The following SHC4 variants were observed in gnomAD, a reference collection of about 807,000 sequenced individuals.
The protein encoded by SHC4 is SHC-transforming protein 4.
Under a neutral mutation model 69.4 loss-of-function variants are expected in SHC4, and 41 were observed. That is an observed-to-expected ratio of 0.59 (90% CI 0.46 to 0.77). The LOEUF (loss-of-function observed/expected upper bound fraction) is 0.77, where lower values mean the gene tolerates loss of function less well. SHC4 is among the 30% of genes least tolerant of loss of function. The pLI, the probability that SHC4 is intolerant of heterozygous loss-of-function variation, is 0.00. For synonymous variants in SHC4, 318 were observed against 299.3 expected (o/e 1.06, Z -0.64); for missense variants, 777 against 783.8 (o/e 0.99, Z 0.10).
At chr15:48,951,952 C>T (rs1397532743) in intron 1 of SHC4, among the ~76,000 whole-genome samples, 1 of 152,162 alleles carries the variant, frequency 6.6e-6, no homozygotes, top group East Asian at 1.9e-4. Flanking sequence ...AGTGGAAAGA[C>T]CACTGGCCTG....
intron 2 of SHC4, among the ~76,000 whole-genome samples, chr15:48,891,673 T>C (rs1035077776): frequency 6.6e-6 from 1 of 152,232 alleles, no homozygotes; most frequent in Non-Finnish European, 1.5e-5. Context: ...CCAGAGATCA[T>C]TGTTTAAATT....
intron 2 of SHC4, among the ~76,000 whole-genome samples, chr15:48,892,426 G>A (rs1220055299): frequency 1.3e-5 from 2 of 152,026 alleles, no homozygotes; most frequent in African/African-American, 4.8e-5. Context: ...CATATTTATT[G>A]TTTCTCTAGG....
At chr15:48,962,391 C>T (rs765215423) in intron 1 of SHC4, 40 bp downstream of exon 1, 1 of 1,507,030 alleles carries the variant, frequency 6.6e-7, no homozygotes, top group South Asian at 1.4e-5. Flanking sequence ...TGCCCCCTTC[C>T]ACGGAAGTTC....
At chr15:48,923,666 G>T (rs1413246214) in intron 2 of SHC4, among the ~76,000 whole-genome samples, 1 of 132,006 alleles carries the variant, frequency 7.6e-6, no homozygotes, top group Non-Finnish European at 1.6e-5. Flanking sequence ...TTATGAGTCA[G>T]GGTCTTGCTG....
chr15:48,852,888 T>G (rs1277063890), intron 8 of SHC4, among the ~76,000 whole-genome samples: 3 of 148,474 alleles, frequency 2.0e-5, no homozygotes, highest in Non-Finnish European at 4.5e-5. Context: ...GGTGACAGAG[T>G]GAGACTCTGT....
chr15:48,833,751 C>T (rs1898851366), intron 11 of SHC4, among the ~76,000 whole-genome samples: 1 of 152,154 alleles, frequency 6.6e-6, no homozygotes, highest in Non-Finnish European at 1.5e-5. Context: ...CCCCATTCCC[C>T]CAAGGGAGAG....
intron 4 of SHC4, chr15:48,876,689 G>A: frequency 1.7e-6 from 1 of 591,212 alleles, no homozygotes; most frequent in East Asian, 3.0e-5. Flanking sequence ...AGGCTGGGAG[G>A]CTAGGCCAGT....
At chr15:48,909,128 T>C (rs1436910188) in intron 2 of SHC4, among the ~76,000 whole-genome samples, 1 of 152,206 alleles carries the variant, frequency 6.6e-6, no homozygotes, top group African/African-American at 2.4e-5. Flanking sequence ...AATTTGTAGA[T>C]TGCTTTTGGC....
intron 1 of SHC4, among the ~76,000 whole-genome samples, chr15:48,940,542 C>T (rs1046761962): frequency 7.2e-5 from 11 of 152,164 alleles, no homozygotes; most frequent in Non-Finnish European, 1.5e-4. Context: ...TCTTCTACTC[C>T]ATTTTCCGTT....
chr15:48,838,692 G>A (rs1898940156), intron 10 of SHC4, among the ~76,000 whole-genome samples: 1 of 151,892 alleles, frequency 6.6e-6, no homozygotes, highest in African/African-American at 2.4e-5. Context: ...TTGAGAAAAG[G>A]CAAGTGCTCC....
At chr15:48,925,219 C>T (rs1025011702) in intron 1 of SHC4, among the ~76,000 whole-genome samples, 2 of 152,204 alleles carry the variant, frequency 1.3e-5, no homozygotes, top group Non-Finnish European at 2.9e-5. Context: ...AGATCATGGG[C>T]TCTGGGGCCA....
chr15:48,864,156 C>T (rs1055670807), intron 6 of SHC4, among the ~76,000 whole-genome samples: 3 of 152,078 alleles, frequency 2.0e-5, no homozygotes, highest in African/African-American at 7.2e-5. Flanking sequence ...TAATAGCTAC[C>T]ATTTACTGCC....
intron 2 of SHC4, among the ~76,000 whole-genome samples, chr15:48,897,850 A>G (rs1900252423): frequency 6.6e-6 from 1 of 152,096 alleles, no homozygotes; most frequent in Non-Finnish European, 1.5e-5. Flanking sequence ...GAATGAGAAT[A>G]AAATTTTAAT....
chr15:48,881,387 A>AAC (rs1899944410), intron 4 of SHC4, among the ~76,000 whole-genome samples: 1 of 151,962 alleles, frequency 6.6e-6, no homozygotes, highest in East Asian at 1.9e-4. Context: ...AAAAAAAAAA[A>AAC]AAACCATCTG....
intron 2 of SHC4, among the ~76,000 whole-genome samples, chr15:48,916,271 GCTCACA>G (rs1369241218): frequency 2.5e-3 from 268 of 108,616 alleles, no homozygotes; most frequent in East Asian, 6.6e-3. Context: ...GCTGATGGTT[GCTCACA>G]CACACACACA....
intron 4 of SHC4, among the ~76,000 whole-genome samples, chr15:48,875,245 C>T (rs1210147010): frequency 6.6e-6 from 1 of 152,218 alleles, no homozygotes; most frequent in East Asian, 1.9e-4. Flanking sequence ...ATGGAGACCA[C>T]ACACCCTGCA....
chr15:48,954,562 G>A (rs1057207909), intron 1 of SHC4, among the ~76,000 whole-genome samples: 1 of 152,318 alleles, frequency 6.6e-6, no homozygotes, highest in African/African-American at 2.4e-5. Context: ...GATGCTTTTC[G>A]CTTTGCTGCA....
At chr15:48,872,679 C>T (rs1341411481) in intron 4 of SHC4, among the ~76,000 whole-genome samples, 3 of 152,106 alleles carry the variant, frequency 2.0e-5, no homozygotes. Context: ...TTTCTTTTTG[C>T]AAAAGTTAGT....
chr15:48,878,689 C>G, intron 4 of SHC4: 1 of 1,613,968 alleles, frequency 6.2e-7, no homozygotes. Flanking sequence ...TGATGGTTGT[C>G]AATCGTCTGA....
Sources: gnomAD v4.1 joint callset for allele counts (sites outside exome capture counted in the v4.1 genomes callset) on GRCh38, gnomAD v4.1.1 for gene constraint, MANE v1.5 for transcripts, NCBI Gene and HGNC (gene_info 2026-07-23, HGNC 2026-07-21) for gene names.